Variants in FUT8 observed in about 807,000 individuals in gnomAD.
FUT8 encodes the protein alpha-(1,6)-fucosyltransferase.
FUT8 carries 29 observed loss-of-function variants against 71.3 expected under a neutral mutation model. The observed-to-expected ratio is 0.41, with a 90% CI of 0.30 to 0.55. FUT8 has a LOEUF of 0.55. Among genes scored for constraint, FUT8 ranks in the 20% least tolerant of loss-of-function variants. The pLI, the probability that FUT8 is intolerant of heterozygous loss-of-function variation, is 0.34. For missense variants in FUT8, 544 were observed against 702.1 expected (o/e 0.77, Z 2.55); for synonymous variants, 254 against 239.3 (o/e 1.06, Z -0.57).
the FUT8 span, among the ~76,000 whole-genome samples, chr14:65,357,978 T>A: frequency 2.6e-5 from 4 of 152,016 alleles, no homozygotes. Context: ...ATATGTGAAA[T>A]CCAAAAGAGT....
At chr14:65,477,777 T>A (rs1156750546) in intron 2 of FUT8, among the ~76,000 whole-genome samples, 1 of 152,070 alleles carries the variant, frequency 6.6e-6, no homozygotes, top group East Asian at 1.9e-4. Flanking sequence ...CCTGGGTAAG[T>A]TTGTCTCATT....
chr14:65,619,370 T>C (rs1889481106), intron 5 of FUT8, among the ~76,000 whole-genome samples: 1 of 152,132 alleles, frequency 6.6e-6, no homozygotes, highest in African/African-American at 2.4e-5. Flanking sequence ...TGAAGCTGTT[T>C]CCTAGTAGTC....
intron 1 of FUT8, among the ~76,000 whole-genome samples, chr14:65,418,812 C>A (rs551413438): frequency 6.6e-6 from 1 of 152,214 alleles, no homozygotes; most frequent in East Asian, 1.9e-4. Context: ...TAGAACATTT[C>A]CAGGTAAAAC....
intron 6 of FUT8, among the ~76,000 whole-genome samples, chr14:65,644,252 T>A (rs1891008132): frequency 6.6e-6 from 1 of 152,104 alleles, no homozygotes; most frequent in Non-Finnish European, 1.5e-5. Flanking sequence ...ATACAAAATA[T>A]TAAATGTTTA....
At chr14:65,423,263 CTTTTTTTT>C (rs1180861343) in intron 1 of FUT8, among the ~76,000 whole-genome samples, 1 of 119,486 alleles carries the variant, frequency 8.4e-6, no homozygotes, top group African/African-American at 3.1e-5. Flanking sequence ...GATTTTCTTT[CTTTTTTTT>C]TTTTTTTTGA....
chr14:65,458,730 T>C (rs568269760), intron 2 of FUT8, among the ~76,000 whole-genome samples: 2 of 152,274 alleles, frequency 1.3e-5, no homozygotes, highest in East Asian at 3.9e-4. Flanking sequence ...CCTGCTGTAT[T>C]GTGTTCTCAG....
chr14:65,434,536 A>G (rs1371300433), intron 1 of FUT8, among the ~76,000 whole-genome samples: 1 of 152,250 alleles, frequency 6.6e-6, no homozygotes, highest in East Asian at 1.9e-4. Context: ...TAGCAAAAAC[A>G]ATGTAAAGCC....
intron 3 of FUT8, among the ~76,000 whole-genome samples, chr14:65,576,075 T>C (rs1886760904): frequency 6.6e-6 from 1 of 152,172 alleles, no homozygotes; most frequent in Non-Finnish European, 1.5e-5. Flanking sequence ...TACAAATCCT[T>C]ATAATAGCTC....
chr14:65,669,813 A>C lies in FUT8; in HGVS notation c.835+333A>C, dbSNP rs1892391933. On this transcript the variant is annotated intron_variant, in intron 7 of 10. Coordinates refer to ENST00000673929, the MANE Select transcript of FUT8 (RefSeq NM_001371533.1). The surrounding 1 kb of genome is among the most constrained non-coding windows in gnomAD (Gnocchi z 4.5). The stretch of plus-strand genomic sequence containing the variant: ...GAACTCATTTTAATATGAAGTAATC[A>C]TCATATAAAGTAGTCCAGTTTATAT... Among the ~76,000 whole-genome samples the C allele has an allele frequency of 6.6e-6, 1 of 152,188 alleles. No individual in the cohort carries two copies. Among genetic ancestry groups the C allele is most frequent in the Non-Finnish European group, 1.5e-5 (1 of 68,028 alleles).
chr14:65,608,439 G>C (rs778321379), intron 3 of FUT8, among the ~76,000 whole-genome samples: 1 of 151,848 alleles, frequency 6.6e-6, no homozygotes, highest in Non-Finnish European at 1.5e-5. Flanking sequence ...TCAGAGAGCC[G>C]TGTAATCATT....
rs749621089 is a variant in FUT8 at position 65,721,935 on chromosome 14, C to G, written c.996C>G (p.Val332=). ...CAGTGTGGTGGGTGTCTCAGTTTGTCAAATACTTGATCCGCCCACAGCCTT... is the reference window on the plus strand; with the variant it reads ...CAGTGTGGTGGGTGTCTCAGTTTGTGAAATACTTGATCCGCCCACAGCCTT... ...DPAVWWVSQF[V]KYLIRPQPWL... Residue 332 remains valine (V), a synonymous_variant, in exon 8 of 11, where the codon GTC becomes GTG. Coordinates refer to ENST00000673929, the MANE Select transcript of FUT8 (RefSeq NM_001371533.1). The G allele has an allele frequency of 1.9e-5, 31 of 1,613,976 alleles. No homozygotes were observed. Among genetic ancestry groups the G allele is most frequent in the Non-Finnish European group, 2.5e-5 (30 of 1,180,028 alleles).
chr14:65,502,733 G>T (rs1340374227), intron 2 of FUT8, among the ~76,000 whole-genome samples: 3 of 152,228 alleles, frequency 2.0e-5, no homozygotes, highest in African/African-American at 7.2e-5. Flanking sequence ...GTGGTCTGCA[G>T]TGGTAACCAA....
At chr14:65,577,369 C>A (rs1454108580) in intron 3 of FUT8, among the ~76,000 whole-genome samples, 1 of 151,982 alleles carries the variant, frequency 6.6e-6, no homozygotes, top group Non-Finnish European at 1.5e-5. Flanking sequence ...GGATTTGGAT[C>A]CCAAGTCGAC....
intron 7 of FUT8, among the ~76,000 whole-genome samples, chr14:65,711,379 C>T (rs1894805643): frequency 6.6e-6 from 1 of 152,044 alleles, no homozygotes; most frequent in Non-Finnish European, 1.5e-5. Context: ...TTAGAATAAC[C>T]TTGCTAGGAA....
chr14:65,639,745 T>C (rs1005133094), intron 6 of FUT8, among the ~76,000 whole-genome samples: 1 of 152,150 alleles, frequency 6.6e-6, no homozygotes, highest in Non-Finnish European at 1.5e-5. Context: ...ATCACCCAGC[T>C]TTATGATCAG....
At chr14:65,378,107 G>T in the FUT8 span, among the ~76,000 whole-genome samples, 1 of 152,188 alleles carries the variant, frequency 6.6e-6, no homozygotes, top group East Asian at 1.9e-4. Context: ...GTGCTGCACT[G>T]TAATTCTACA....
intron 7 of FUT8, among the ~76,000 whole-genome samples, chr14:65,692,449 C>A (rs1458110381): frequency 1.3e-4 from 14 of 111,094 alleles, no homozygotes; most frequent in African/African-American, 5.1e-4. Flanking sequence ...GCTGGCCGGG[C>A]GGGGGGCTGA....
chr14:65,559,716 T>C (rs940019484), intron 2 of FUT8, among the ~76,000 whole-genome samples: 1 of 152,142 alleles, frequency 6.6e-6, no homozygotes, highest in Non-Finnish European at 1.5e-5. Context: ...ACTTCTTATT[T>C]GGTTTTAAAG....
intron 2 of FUT8, among the ~76,000 whole-genome samples, chr14:65,551,810 G>A (rs1285662999): frequency 6.6e-6 from 1 of 152,150 alleles, no homozygotes; most frequent in African/African-American, 2.4e-5. Context: ...TCACAACAAT[G>A]ACAACACAGT....
Sources: allele counts gnomAD v4.1 joint callset (sites outside exome capture counted in the v4.1 genomes callset), GRCh38; gene constraint gnomAD v4.1.1; non-coding constraint Gnocchi (gnomAD v3.1); transcripts MANE v1.5; gene names NCBI Gene and HGNC (gene_info 2026-07-23, HGNC 2026-07-21).